Variants in DGKB observed in about 807,000 individuals in gnomAD.
DGKB encodes diacylglycerol kinase beta.
A neutral mutation model predicts 114.3 loss-of-function variants in DGKB; 67 were observed. The observed-to-expected ratio is 0.59, with a 90% CI of 0.48 to 0.72. DGKB has a LOEUF of 0.72. Ranked by LOEUF, DGKB falls within the 30% of genes least tolerant of loss-of-function variation. The probability of loss-of-function intolerance (pLI) is 0.00; values close to 1 mark genes in which losing one functional copy is unlikely to be tolerated. For missense variants in DGKB, 907 were observed against 975.2 expected (o/e 0.93, Z 0.93); for synonymous variants, 398 against 323.1 (o/e 1.23, Z -2.49).
At chr7:14,547,702 T>C (rs1401761122) in intron 20 of DGKB, among the ~76,000 whole-genome samples, 1 of 151,922 alleles carries the variant, frequency 6.6e-6, no homozygotes, top group Non-Finnish European at 1.5e-5. Flanking sequence ...AAAAAATTCC[T>C]TAGCTGTGAT....
chr7:14,758,030 T>C (rs1192894625), intron 2 of DGKB, among the ~76,000 whole-genome samples: 1 of 152,070 alleles, frequency 6.6e-6, no homozygotes, highest in Non-Finnish European at 1.5e-5. Flanking sequence ...TTAGTATCTG[T>C]AGATATTTTT....
chr7:14,328,273 G>T (rs574691039), intron 23 of DGKB, among the ~76,000 whole-genome samples: 1 of 151,938 alleles, frequency 6.6e-6, no homozygotes, highest in East Asian at 1.9e-4. Flanking sequence ...TTATATATTC[G>T]GTAAAATAAA....
chr7:14,767,181 T>G (rs937288937), intron 2 of DGKB, among the ~76,000 whole-genome samples: 1 of 151,592 alleles, frequency 6.6e-6, no homozygotes, highest in African/African-American at 2.4e-5. Flanking sequence ...TAGAAATTAT[T>G]CAGTCGAGAG....
chr7:14,228,197 G>A (rs1791128221), intron 23 of DGKB, among the ~76,000 whole-genome samples: 1 of 151,910 alleles, frequency 6.6e-6, no homozygotes. Flanking sequence ...TACAACTGGT[G>A]CGTGTTAGGT....
chr7:14,916,093 T>C (rs1784225481), intron 1 of DGKB, among the ~76,000 whole-genome samples: 1 of 146,012 alleles, frequency 6.8e-6, no homozygotes, highest in African/African-American at 2.6e-5. Context: ...ATTCGGTACA[T>C]GCATGTACCA....
chr7:14,149,058 C>G lies in DGKB; in HGVS notation c.*73G>C, dbSNP rs1781788747. On this transcript the variant is annotated 3_prime_UTR_variant, in exon 26 of 26. Transcript: ENST00000402815. Reference sequence around the variant, plus strand: ...CATGAGCAGGAGACTTGAAATGGTTCAAAGATTTCCAGCATATGTGTTCCA... The same window carrying G: ...CATGAGCAGGAGACTTGAAATGGTTGAAAGATTTCCAGCATATGTGTTCCA... 4 of 1,329,796 alleles carry G rather than the reference C, an allele frequency of 3.0e-6. No homozygotes were observed. The highest frequency in any genetic ancestry group is 1.2e-5 in the South Asian group (1 of 84,910). The allele number at this position is 1,329,796 out of a possible 1,614,324, so 82.4% of individuals were successfully genotyped here.
chr7:14,961,366 C>T (rs1223589493), intron 1 of DGKB, among the ~76,000 whole-genome samples: 1 of 152,080 alleles, frequency 6.6e-6, no homozygotes, highest in Admixed American at 6.6e-5. Context: ...CCAAACCTTT[C>T]TAATTTAAGC....
intron 15 of DGKB, among the ~76,000 whole-genome samples, chr7:14,616,992 C>T (rs1355265924): frequency 1.3e-5 from 2 of 151,666 alleles, no homozygotes; most frequent in African/African-American, 4.8e-5. Context: ...CATGTAAAAT[C>T]TTACTTAATC....
At chr7:14,183,527 G>C (rs1208043638) in intron 23 of DGKB, among the ~76,000 whole-genome samples, 1 of 152,216 alleles carries the variant, frequency 6.6e-6, no homozygotes, top group Non-Finnish European at 1.5e-5. Flanking sequence ...GTATGGGGAA[G>C]GCTAATATAT....
At chr7:14,496,352 G>A (rs1201281847) in intron 20 of DGKB, among the ~76,000 whole-genome samples, 1 of 150,494 alleles carries the variant, frequency 6.6e-6, no homozygotes, top group Non-Finnish European at 1.5e-5. Flanking sequence ...AAGGTGGTAA[G>A]ATAGATGGAT....
chr7:14,454,982 T>G (rs1459237295), intron 21 of DGKB, among the ~76,000 whole-genome samples: 1 of 152,062 alleles, frequency 6.6e-6, no homozygotes, highest in Non-Finnish European at 1.5e-5. Flanking sequence ...GAGGCAGAAG[T>G]AGAATTCAGA....
chr7:14,702,496 A>G (rs1372968945), intron 6 of DGKB, among the ~76,000 whole-genome samples: 15 of 152,218 alleles, frequency 9.9e-5, no homozygotes, highest in Non-Finnish European at 1.5e-5. Flanking sequence ...GGTCTCTGTT[A>G]GGGGGTTCAG....
At chr7:14,791,381 T>C (rs957606760) in intron 2 of DGKB, among the ~76,000 whole-genome samples, 2 of 152,014 alleles carry the variant, frequency 1.3e-5, no homozygotes, top group African/African-American at 4.8e-5. Flanking sequence ...TAGTTTTATT[T>C]CTTTATTTCT....
In DGKB at chr7:14,643,080, A is replaced by T. The variant is rs6947430; in HGVS notation, c.1135-12812T>A. ...AACCACAAATCAAATGGAGCATCTA[A>T]GGGAGAACACAAATTCAGCAAGAAA... On this transcript the variant is annotated intron_variant, in intron 13 of 25. Transcript: ENST00000402815. Among the ~76,000 whole-genome samples the T allele has an allele frequency of 8.5e-5, 13 of 152,118 alleles. No homozygotes were observed. In the South Asian group the frequency reaches 2.1e-3, roughly 24 times the overall value.
intron 2 of DGKB, among the ~76,000 whole-genome samples, chr7:14,831,364 C>G (rs1369040067): frequency 6.6e-6 from 1 of 151,932 alleles, no homozygotes; most frequent in African/African-American, 2.4e-5. Context: ...GTACATTTCA[C>G]AAGCAGAAGC....
chr7:14,909,786 A>G (rs1372359028), intron 1 of DGKB, among the ~76,000 whole-genome samples: 1 of 152,132 alleles, frequency 6.6e-6, no homozygotes, highest in African/African-American at 2.4e-5. Context: ...AGTTTTTTTT[A>G]TAAAACATTA....
At chr7:14,154,476 C>T (rs1285143232) in intron 25 of DGKB, among the ~76,000 whole-genome samples, 2 of 151,826 alleles carry the variant, frequency 1.3e-5, no homozygotes, top group Non-Finnish European at 2.9e-5. Context: ...TACTGTAGAG[C>T]TTTTCATATA....
intron 21 of DGKB, among the ~76,000 whole-genome samples, chr7:14,369,713 G>A (rs929614091): frequency 5.3e-5 from 8 of 152,266 alleles, no homozygotes; most frequent in African/African-American, 1.4e-4. Context: ...CCACATAAAT[G>A]TCCTCTTTTG....
chr7:14,180,191 T>C (rs1163454054), intron 23 of DGKB, among the ~76,000 whole-genome samples: 2 of 152,070 alleles, frequency 1.3e-5, no homozygotes, highest in African/African-American at 4.8e-5. Context: ...CACGGCCTGA[T>C]TCCTAAATAG....
Sources: gnomAD v4.1 joint callset for allele counts (sites outside exome capture counted in the v4.1 genomes callset) on GRCh38, gnomAD v4.1.1 for gene constraint, MANE v1.5 for transcripts, NCBI Gene and HGNC (gene_info 2026-07-23, HGNC 2026-07-21) for gene names.